Variants in LOC128462377 observed in about 807,000 individuals in gnomAD.
At chr16:89,408,027 C>T in the LOC128462377 span, among the ~76,000 whole-genome samples, 1 of 152,166 alleles carries the variant, frequency 6.6e-6, no homozygotes, top group African/African-American at 2.4e-5. Context: ...GCTACAGCTG[C>T]CATGCAGTGG....
At chr16:89,365,701 G>T in the LOC128462377 span, among the ~76,000 whole-genome samples, 1 of 152,150 alleles carries the variant, frequency 6.6e-6, no homozygotes, top group Non-Finnish European at 1.5e-5. Flanking sequence ...TGGTCTCTCC[G>T]CAGAAACCCA....
At chr16:89,357,619 C>A in the LOC128462377 span, among the ~76,000 whole-genome samples, 1 of 152,188 alleles carries the variant, frequency 6.6e-6, no homozygotes, top group African/African-American at 2.4e-5. Context: ...ACCCGAGTGT[C>A]CCCTGGCGGA....
the LOC128462377 span, among the ~76,000 whole-genome samples, chr16:89,371,222 T>C: frequency 1.2e-4 from 19 of 152,246 alleles, no homozygotes; most frequent in Non-Finnish European, 2.5e-4. Flanking sequence ...CCCAACACTT[T>C]CGCAAATACT....
At chr16:89,349,512 T>G in the LOC128462377 span, among the ~76,000 whole-genome samples, 1 of 152,140 alleles carries the variant, frequency 6.6e-6, no homozygotes, top group Non-Finnish European at 1.5e-5. Flanking sequence ...CATAAATATA[T>G]AGTCAACTAA....
At chr16:89,387,568 G>T in the LOC128462377 span, among the ~76,000 whole-genome samples, 1 of 151,432 alleles carries the variant, frequency 6.6e-6, no homozygotes, top group South Asian at 2.1e-4. Context: ...AGCTACTCGG[G>T]AGACTGAGGC....
At chr16:89,379,435 CCT>C in the LOC128462377 span, among the ~76,000 whole-genome samples, 1 of 152,214 alleles carries the variant, frequency 6.6e-6, no homozygotes, top group Non-Finnish European at 1.5e-5. Flanking sequence ...TGCTCCACAC[CCT>C]GTCAGGGCAT....
the LOC128462377 span, among the ~76,000 whole-genome samples, chr16:89,393,453 A>G: frequency 4.1e-5 from 6 of 145,680 alleles, no homozygotes; most frequent in Non-Finnish European, 6.0e-5. Context: ...TCCCCCATGT[A>G]GCTGGGATTA....
the LOC128462377 span, among the ~76,000 whole-genome samples, chr16:89,415,829 C>CAAAAAAAAAAA: frequency 9.6e-3 from 380 of 39,680 alleles, 18 homozygotes; most frequent in African/African-American, 0.016. Flanking sequence ...GACTCTGTCT[C>CAAAAAAAAAAA]AAAAAAAAAA....
chr16:89,324,166 T>C, the LOC128462377 span: 1 of 1,115,810 alleles, frequency 9.0e-7, no homozygotes, highest in South Asian at 1.6e-5. Flanking sequence ...TCACATTTTC[T>C]GTTATCACGG....
the LOC128462377 span, among the ~76,000 whole-genome samples, chr16:89,363,942 T>G: frequency 1.3e-5 from 2 of 151,836 alleles, no homozygotes; most frequent in Admixed American, 1.3e-4. Context: ...ATGCCTGCAG[T>G]CCCAGCAACT....
the LOC128462377 span, among the ~76,000 whole-genome samples, chr16:89,348,114 T>A: frequency 6.6e-6 from 1 of 152,082 alleles, no homozygotes; most frequent in Non-Finnish European, 1.5e-5. Context: ...GTATTTTTTG[T>A]ACAGATAGGG....
chr16:89,391,247 AAT>A, the LOC128462377 span, among the ~76,000 whole-genome samples: 27 of 150,234 alleles, frequency 1.8e-4, no homozygotes, highest in African/African-American at 6.0e-4. Context: ...AAAAAAAAAA[AAT>A]GATTGAACCC....
chr16:89,414,865 C>A, the LOC128462377 span, among the ~76,000 whole-genome samples: 1 of 152,256 alleles, frequency 6.6e-6, no homozygotes, highest in East Asian at 1.9e-4. Context: ...CAACGGCTCA[C>A]ATTCCACCCC....
chr16:89,345,156 C>T, the LOC128462377 span, among the ~76,000 whole-genome samples: 1 of 152,062 alleles, frequency 6.6e-6, no homozygotes, highest in East Asian at 1.9e-4. Flanking sequence ...AAAAGGCAAA[C>T]TCCCAACATA....
chr16:89,356,224 T>C, the LOC128462377 span, among the ~76,000 whole-genome samples: 76,979 of 152,014 alleles, frequency 0.51, 19,657 homozygotes, highest in Middle Eastern at 0.63. Flanking sequence ...TGAACTATTG[T>C]GGGTTTTTAA....
chr16:89,346,453 T>C, the LOC128462377 span, among the ~76,000 whole-genome samples: 2 of 151,962 alleles, frequency 1.3e-5, no homozygotes, highest in African/African-American at 4.8e-5. Flanking sequence ...AACACAATAA[T>C]CACGCAATCC....
the LOC128462377 span, among the ~76,000 whole-genome samples, chr16:89,319,043 T>C: frequency 6.6e-6 from 1 of 152,210 alleles, no homozygotes; most frequent in Non-Finnish European, 1.5e-5. Flanking sequence ...AGAAACTCAG[T>C]GGTAATGTTT....
chr16:89,371,659 T>A, the LOC128462377 span, among the ~76,000 whole-genome samples: 2 of 152,070 alleles, frequency 1.3e-5, no homozygotes, highest in Non-Finnish European at 2.9e-5. Flanking sequence ...TGGAGGGCGA[T>A]GCAGACTCCC....
the LOC128462377 span, among the ~76,000 whole-genome samples, chr16:89,388,576 C>G: frequency 4.6e-5 from 7 of 152,226 alleles, no homozygotes; most frequent in East Asian, 7.7e-4. Flanking sequence ...GCATGTGTGT[C>G]TCTGACTGGG....
Sources: allele counts gnomAD v4.1 joint callset (sites outside exome capture counted in the v4.1 genomes callset), GRCh38; gene constraint gnomAD v4.1.1; transcripts MANE v1.5.